HAS2: variants seen among roughly 807,000 people sequenced by gnomAD.
HAS2 encodes the protein hyaluronan synthase 2.
Under a neutral mutation model 51.6 loss-of-function variants are expected in HAS2, and 16 were observed. The observed-to-expected ratio is 0.31, with a 90% CI of 0.21 to 0.47. HAS2 has a LOEUF of 0.47. Ranked by LOEUF, HAS2 falls within the 20% of genes least tolerant of loss-of-function variation. The pLI is 1.00. For synonymous variants in HAS2, 228 were observed against 235.5 expected (o/e 0.97, Z 0.29); for missense variants, 361 against 662.6 (o/e 0.54, Z 5.00).
chr8:121,615,853 C>T (rs1034853149), intron 3 of HAS2, among the ~76,000 whole-genome samples: 2 of 152,040 alleles, frequency 1.3e-5, no homozygotes, highest in Non-Finnish European at 2.9e-5. Context: ...AAATTTGAAT[C>T]GTGAAATAAT....
chr8:121,626,452 G>A (rs1046671210), intron 2 of HAS2, among the ~76,000 whole-genome samples: 11 of 152,138 alleles, frequency 7.2e-5, no homozygotes, highest in Non-Finnish European at 1.6e-4. Context: ...GAATTCTCCA[G>A]CAAGTTTGTA....
intron 2 of HAS2, among the ~76,000 whole-genome samples, chr8:121,619,610 G>A (rs1379038650): frequency 6.6e-6 from 1 of 152,026 alleles, no homozygotes; most frequent in Non-Finnish European, 1.5e-5. Context: ...TGACACCTGG[G>A]TCTGTATCCA....
At chr8:121,620,841 A>G (rs1279671531) in intron 2 of HAS2, among the ~76,000 whole-genome samples, 1 of 152,154 alleles carries the variant, frequency 6.6e-6, no homozygotes, top group Non-Finnish European at 1.5e-5. Context: ...ATGGTTACAC[A>G]TTATTCAATA....
rs1812766154 is a variant in HAS2, at chr8:121,620,924, TA to T, written c.628-3719del. ...TATAAAATTAAAATTTTAGTGTTCA[TA>T]AATAAGGTTTTATTGGATGCATGCT... On this transcript the variant is annotated intron_variant, in intron 2 of 3. Coordinates refer to ENST00000303924, the MANE Select transcript of HAS2 (RefSeq NM_005328.3). Among the ~76,000 whole-genome samples, 3 of 152,282 alleles carry T rather than the reference TA, an allele frequency of 2.0e-5. No homozygotes were observed. In the South Asian group the frequency reaches 6.2e-4, roughly 32 times the overall value.
At chr8:121,638,858 AG>A (rs921521681) in intron 1 of HAS2, among the ~76,000 whole-genome samples, 1 of 152,232 alleles carries the variant, frequency 6.6e-6, no homozygotes, top group Non-Finnish European at 1.5e-5. Flanking sequence ...GGAATTTAAA[AG>A]TTCTTTTCAA....
chr8:121,621,530 C>T (rs1812773832), intron 2 of HAS2, among the ~76,000 whole-genome samples: 1 of 152,104 alleles, frequency 6.6e-6, no homozygotes, highest in Non-Finnish European at 1.5e-5. Context: ...TTTATACTTT[C>T]TAAGTAAACC....
chr8:121,637,032 A>G (rs1813018966), intron 1 of HAS2, among the ~76,000 whole-genome samples: 1 of 152,214 alleles, frequency 6.6e-6, no homozygotes, highest in Admixed American at 6.5e-5. Context: ...TTTTACTTAT[A>G]AAACTTTCTT....
intron 1 of HAS2, chr8:121,639,323 G>C (rs2130456718): frequency 1.3e-5 from 2 of 152,396 alleles, no homozygotes; most frequent in East Asian, 3.9e-4. Context: ...CACGTGGGTT[G>C]GAGCAGCGTC....
At chr8:121,633,336 G>T (rs1229622362) in intron 1 of HAS2, among the ~76,000 whole-genome samples, 2 of 151,972 alleles carry the variant, frequency 1.3e-5, no homozygotes, top group Admixed American at 6.6e-5. Flanking sequence ...GTAGAGATGG[G>T]TTTCACCGTG....
intron 1 of HAS2, among the ~76,000 whole-genome samples, chr8:121,631,329 G>A (rs1173250625): frequency 6.6e-6 from 1 of 152,216 alleles, no homozygotes. Flanking sequence ...TGGACATCAG[G>A]ATTCTAGCTT....
chr8:121,620,582 A>T (rs1309891841), intron 2 of HAS2, among the ~76,000 whole-genome samples: 3 of 152,242 alleles, frequency 2.0e-5, no homozygotes, highest in African/African-American at 7.2e-5. Context: ...TATGGAAATG[A>T]AGCAAGTCAC....
chr8:121,636,347 C>A (rs550647201), intron 1 of HAS2, among the ~76,000 whole-genome samples: 2 of 152,176 alleles, frequency 1.3e-5, no homozygotes, highest in South Asian at 4.2e-4. Flanking sequence ...GCACATTACC[C>A]CCTGGAACAC....
At chr8:121,631,089 T>C (rs1477380568) in intron 1 of HAS2, among the ~76,000 whole-genome samples, 1 of 152,170 alleles carries the variant, frequency 6.6e-6, no homozygotes, top group Non-Finnish European at 1.5e-5. Context: ...TCTCTGGCCC[T>C]TCCACAGGCT....
chr8:121,613,970 A>T lies in HAS2; in HGVS notation c.*139T>A. On this transcript the variant is annotated 3_prime_UTR_variant, in exon 4 of 4. Coordinates refer to ENST00000303924, the MANE Select transcript of HAS2 (RefSeq NM_005328.3). Reference sequence around the variant, plus strand: ...TTTTACTTTGGCAGAATGAAAATAAACCCATATAAATGTCTTTGTTCAAGT... The same window carrying T: ...TTTTACTTTGGCAGAATGAAAATAATCCCATATAAATGTCTTTGTTCAAGT... 8.1e-7 allele frequency: 1 copy of T among 1,232,348 alleles called. No homozygotes were observed. The highest frequency in any genetic ancestry group is 1.1e-6 in the Non-Finnish European group (1 of 870,924). The allele number at this position is 1,232,348 out of a possible 1,614,324, so 76.3% of individuals were successfully genotyped here. A position where few individuals can be genotyped will look rare whatever the true frequency, so the allele number is the denominator to read the frequency against.
At chr8:121,634,882 G>T (rs1453924630) in intron 1 of HAS2, among the ~76,000 whole-genome samples, 2 of 152,050 alleles carry the variant, frequency 1.3e-5, no homozygotes, top group Non-Finnish European at 2.9e-5. Context: ...TGGTCCCCAA[G>T]AGCATTTACA....
At chr8:121,625,169 T>C (rs947360921) in intron 2 of HAS2, among the ~76,000 whole-genome samples, 3 of 146,306 alleles carry the variant, frequency 2.1e-5, no homozygotes, top group African/African-American at 5.0e-5. Flanking sequence ...TTAAAAAATA[T>C]AAAACATTAA....
In HAS2 at chr8:121,628,825, C is replaced by T. The variant is rs777875515; in HGVS notation, c.516G>A (p.Thr172=). 5.1e-5 allele frequency: 83 copies of T among 1,613,942 alleles called. No individual in the cohort carries two copies. Among genetic ancestry groups the T allele is most frequent in the African/African-American group, 6.7e-5 (5 of 74,914 alleles). Residue 172 remains threonine (T), a synonymous_variant, in exon 2 of 4, where the codon ACG becomes ACA. Coordinates refer to ENST00000303924, the MANE Select transcript of HAS2 (RefSeq NM_005328.3). ...ESHKESSQHV[T]QLVLSNKSIC... is the part of the protein sequence containing the mutation. Reference sequence around the variant, plus strand: ...TACTTTTGTTGGACAAGACCAATTGCGTTACGTGTTGCGAGCTTTCTTTAT... The same window carrying T: ...TACTTTTGTTGGACAAGACCAATTGTGTTACGTGTTGCGAGCTTTCTTTAT...
chr8:121,628,677 AATGT>A (rs1230772993), intron 2 of HAS2, 33 bp downstream of exon 2: 1 of 1,590,992 alleles, frequency 6.3e-7, no homozygotes, highest in Non-Finnish European at 8.6e-7. Flanking sequence ...GCTTTATTTA[AATGT>A]ATGTTTGCCC....
In HAS2 at chr8:121,614,086, T is replaced by A; in HGVS notation, c.*23A>T. 4.3e-6 allele frequency: 7 copies of A among 1,613,966 alleles called. No individual in the cohort carries two copies. The highest frequency in any genetic ancestry group is 5.9e-6 in the Non-Finnish European group (7 of 1,179,952). On this transcript the variant is annotated 3_prime_UTR_variant, in exon 4 of 4. Transcript: ENST00000303924. This position sits in a 1 kb window ranked among gnomAD's most constrained non-coding sequence, Gnocchi z 7.2. ...GAGGAACTAAGGTGTTGTGTGTGAC[T>A]GCAAACGTCAAAACATGGAAGATCA... is the stretch of plus-strand genomic sequence containing the variant.
Sources: allele counts gnomAD v4.1 joint callset (sites outside exome capture counted in the v4.1 genomes callset), GRCh38; gene constraint gnomAD v4.1.1; non-coding constraint Gnocchi (gnomAD v3.1); transcripts MANE v1.5; gene names NCBI Gene and HGNC (gene_info 2026-07-23, HGNC 2026-07-21).